Variants in FOXP1 observed in about 807,000 individuals in gnomAD.
FOXP1 encodes the protein forkhead box protein P1.
Under a neutral mutation model 98.2 loss-of-function variants are expected in FOXP1, and 15 were observed. That is an observed-to-expected ratio of 0.15 (90% CI 0.10 to 0.24). The LOEUF (loss-of-function observed/expected upper bound fraction) is 0.24. Ranked by LOEUF, FOXP1 falls within the 10% of genes least tolerant of loss-of-function variation. FOXP1 has a pLI of 1.00. For missense variants in FOXP1, 633 were observed against 848.5 expected (o/e 0.75, Z 3.15); for synonymous variants, 371 against 314.5 (o/e 1.18, Z -1.90).
intron 2 of FOXP1, among the ~76,000 whole-genome samples, chr3:71,554,731 T>C (rs541929805): frequency 6.6e-6 from 1 of 152,332 alleles, no homozygotes; most frequent in South Asian, 2.1e-4. Context: ...GTGAAATTAA[T>C]TTAGAAAAAT....
chr3:71,168,759 G>C (rs968760027), intron 6 of FOXP1, among the ~76,000 whole-genome samples: 1 of 152,134 alleles, frequency 6.6e-6, no homozygotes, highest in Non-Finnish European at 1.5e-5. Context: ...GCCAGTGCTG[G>C]AAAACTTTTT....
intron 5 of FOXP1, among the ~76,000 whole-genome samples, chr3:71,232,212 A>T (rs2066346157): frequency 6.6e-6 from 1 of 152,254 alleles, no homozygotes; most frequent in Non-Finnish European, 1.5e-5. Flanking sequence ...CTCATCAGCC[A>T]ATTTCACATG....
At chr3:71,149,921 T>C (rs1055441584) in intron 6 of FOXP1, among the ~76,000 whole-genome samples, 5 of 152,244 alleles carry the variant, frequency 3.3e-5, no homozygotes, top group Non-Finnish European at 7.3e-5. Context: ...TCAACATCCA[T>C]AACAATGCAA....
intron 2 of FOXP1, among the ~76,000 whole-genome samples, chr3:71,550,002 AAACTAT>A (rs1358453705): frequency 6.6e-6 from 1 of 152,204 alleles, no homozygotes; most frequent in Non-Finnish European, 1.5e-5. Flanking sequence ...CTTATTTTTA[AAACTAT>A]AACTACAAAT....
chr3:70,961,388 A>T (rs1407321439), intron 20 of FOXP1, among the ~76,000 whole-genome samples: 7 of 151,468 alleles, frequency 4.6e-5, no homozygotes, highest in Non-Finnish European at 2.9e-5. Context: ...CCACCACCAC[A>T]CCTGGCTAAT....
intron 6 of FOXP1, among the ~76,000 whole-genome samples, chr3:71,168,301 G>GA (rs58976105): frequency 0.34 from 50,105 of 147,606 alleles, 8,949 homozygotes; most frequent in East Asian, 0.71. Context: ...GAGTTTAAAA[G>GA]AAAAAAAAAA....
intron 6 of FOXP1, among the ~76,000 whole-genome samples, chr3:71,114,986 A>G (rs2058247406): frequency 6.6e-6 from 1 of 152,160 alleles, no homozygotes; most frequent in South Asian, 2.1e-4. Flanking sequence ...TTCTCCTACT[A>G]TATATGTTCC....
At chr3:71,121,621 CTTTGGAG>C (rs2058780957) in intron 6 of FOXP1, among the ~76,000 whole-genome samples, 1 of 151,966 alleles carries the variant, frequency 6.6e-6, no homozygotes, top group Admixed American at 6.5e-5. Flanking sequence ...CCTGAGTTGT[CTTTGGAG>C]GGATTCCATT....
intron 7 of FOXP1, among the ~76,000 whole-genome samples, chr3:71,098,874 T>C (rs1213494219): frequency 6.6e-6 from 1 of 152,174 alleles, no homozygotes; most frequent in East Asian, 1.9e-4. Context: ...AAGTGACACA[T>C]TTAGGAAAAA....
At chr3:70,978,091 C>T (rs534490805) in intron 14 of FOXP1, 62 bp from the exon 15 acceptor site, 365 of 1,391,540 alleles carry the variant, frequency 2.6e-4, no homozygotes, top group Non-Finnish European at 3.4e-4. Flanking sequence ...CCAGGAACCA[C>T]ATCTAGCAGG....
intron 2 of FOXP1, among the ~76,000 whole-genome samples, chr3:71,553,869 T>C (rs1021416880): frequency 6.6e-6 from 1 of 152,238 alleles, no homozygotes; most frequent in African/African-American, 2.4e-5. Context: ...TATCTACGTA[T>C]ATATAAAATT....
At chr3:71,513,815 C>T (rs943202286) in intron 2 of FOXP1, among the ~76,000 whole-genome samples, 4 of 152,126 alleles carry the variant, frequency 2.6e-5, no homozygotes, top group African/African-American at 7.2e-5. Context: ...ACCATAAGAC[C>T]GGGTTTACCT....
intron 5 of FOXP1, among the ~76,000 whole-genome samples, chr3:71,225,438 T>C (rs1259366644): frequency 1.3e-5 from 2 of 152,142 alleles, no homozygotes; most frequent in African/African-American, 4.8e-5. Flanking sequence ...GTTAAACAAA[T>C]AACTCTTAAA....
intron 2 of FOXP1, among the ~76,000 whole-genome samples, chr3:71,564,244 G>A (rs912418236): frequency 2.6e-5 from 4 of 152,228 alleles, no homozygotes; most frequent in African/African-American, 4.8e-5. Context: ...CAGTTTTTTC[G>A]TAATCTTTGC....
Position 70,956,227 on chromosome 3 carries a change from T to G in FOXP1, c.*3020A>C, listed in dbSNP as rs1409943468. 1 of 233,276 alleles carries G rather than the reference T, an allele frequency of 4.3e-6. No homozygotes were observed. 14.5% of individuals were successfully genotyped at this position (233,276 alleles called of 1,614,324 possible). ...AAAGACAAAGATTCACACAGACACATCGGGATATATGTACAACGTAATAAA... is the reference window on the plus strand; with the variant it reads ...AAAGACAAAGATTCACACAGACACAGCGGGATATATGTACAACGTAATAAA... On this transcript the variant is annotated 3_prime_UTR_variant, in exon 21 of 21. Transcript: ENST00000649528.
intron 5 of FOXP1, among the ~76,000 whole-genome samples, chr3:71,253,425 G>A (rs939620162): frequency 6.6e-6 from 1 of 152,118 alleles, no homozygotes; most frequent in South Asian, 2.1e-4. Flanking sequence ...GAGTTGTGGT[G>A]AGAATTAAAT....
chr3:71,546,898 T>C (rs2045405532), intron 2 of FOXP1, among the ~76,000 whole-genome samples: 2 of 152,216 alleles, frequency 1.3e-5, no homozygotes, highest in South Asian at 4.2e-4. Context: ...AGGGTCAATT[T>C]TCATCATGAG....
chr3:71,196,242 C>G, intron 6 of FOXP1, among the ~76,000 whole-genome samples: 1 of 152,138 alleles, frequency 6.6e-6, no homozygotes, highest in Non-Finnish European at 1.5e-5. Context: ...AACAAATTTT[C>G]CAAAGTGGAC....
intron 3 of FOXP1, among the ~76,000 whole-genome samples, chr3:71,449,977 A>C (rs2108495764): frequency 6.6e-6 from 1 of 152,348 alleles, no homozygotes; most frequent in African/African-American, 2.4e-5. Flanking sequence ...CTTTCCCAAC[A>C]TGTCTACGAA....
Sources: allele counts gnomAD v4.1 joint callset (sites outside exome capture counted in the v4.1 genomes callset), GRCh38; gene constraint gnomAD v4.1.1; transcripts MANE v1.5; gene names NCBI Gene and HGNC (gene_info 2026-07-23, HGNC 2026-07-21).